RASA3: variants seen among roughly 807,000 people sequenced by gnomAD.
RASA3 encodes the protein RAS p21 protein activator 3, also known as ras GTPase-activating protein 3.
Under a neutral mutation model 110.0 loss-of-function variants are expected in RASA3, and 73 were observed. The ratio of observed to expected loss-of-function variants is 0.66; its 90% confidence interval spans 0.55 to 0.81. The LOEUF (loss-of-function observed/expected upper bound fraction) is 0.81. Ranked by LOEUF, RASA3 falls within the 30% of genes least tolerant of loss-of-function variation. The pLI is 0.00. For missense variants in RASA3, 976 were observed against 1,113.2 expected (o/e 0.88, Z 1.75); for synonymous variants, 500 against 451.4 (o/e 1.11, Z -1.37).
At chr13:114,121,320 G>A (rs991686867) in intron 1 of RASA3, among the ~76,000 whole-genome samples, 3 of 152,198 alleles carry the variant, frequency 2.0e-5, no homozygotes, top group Non-Finnish European at 4.4e-5. Flanking sequence ...AGTGTCCCCA[G>A]CCTCAGCCAT....
chr13:114,013,117 C>G (rs7322518), intron 15 of RASA3, 25 bp downstream of exon 15: 17 of 1,595,388 alleles, frequency 1.1e-5, no homozygotes, highest in Non-Finnish European at 1.5e-5. Flanking sequence ...CTCAGAAAGC[C>G]TCGGTCCCTC....
chr13:114,109,707 C>T (rs1012249321), intron 1 of RASA3, among the ~76,000 whole-genome samples: 1 of 152,236 alleles, frequency 6.6e-6, no homozygotes, highest in Non-Finnish European at 1.5e-5. Flanking sequence ...GCTGTGCACA[C>T]CTGGAGACCA....
chr13:114,104,589 G>A (rs931897933), intron 1 of RASA3, among the ~76,000 whole-genome samples: 2 of 152,164 alleles, frequency 1.3e-5, no homozygotes, highest in Admixed American at 6.5e-5. Flanking sequence ...CTAGTGGGCC[G>A]GCCACAAAGC....
rs1308975257 is a variant in RASA3, at chr13:114,114,213, C to T, written c.55+18222G>A. 6.6e-6 allele frequency among the ~76,000 whole-genome samples: 1 copy of T among 152,246 alleles called. No individual in the cohort carries two copies. The highest frequency in any genetic ancestry group is 1.5e-5 in the Non-Finnish European group (1 of 68,040). ...GTCCGTGCAGGGGAGAGAGACCTGGCCTATCCTCAGCACAGCCCATGTGAC... is the reference window on the plus strand; with the variant it reads ...GTCCGTGCAGGGGAGAGAGACCTGGTCTATCCTCAGCACAGCCCATGTGAC... On this transcript the variant is annotated intron_variant, in intron 1 of 23. Coordinates refer to ENST00000334062, the MANE Select transcript of RASA3 (RefSeq NM_007368.4). This position sits in a 1 kb window ranked among gnomAD's most constrained non-coding sequence, Gnocchi z 4.8.
In RASA3 at chr13:114,131,478, G is replaced by A. The variant is rs569911969; in HGVS notation, c.55+957C>T. ...CACTCTCCCAAGATAAAACAACCAG[G>A]GAAAAGCAGATCCCTCCAGATAAAC... is the stretch of plus-strand genomic sequence containing the variant. On this transcript the variant is annotated intron_variant, in intron 1 of 23. Coordinates refer to ENST00000334062, the MANE Select transcript of RASA3 (RefSeq NM_007368.4). 2.0e-5 allele frequency among the ~76,000 whole-genome samples: 3 copies of A among 152,270 alleles called. No individual in the cohort carries two copies. The East Asian group carries it at 5.8e-4, about 29-fold the overall frequency.
chr13:114,079,083 C>T lies in RASA3; in HGVS notation c.56-5246G>A, dbSNP rs141235859. Among the ~76,000 whole-genome samples the T allele has an allele frequency of 8.5e-3, 1,291 of 152,284 alleles. 24 individuals are homozygous for T. The highest frequency in any genetic ancestry group is 0.029 in the African/African-American group (1,211 of 41,560). ...TCAGCTCAGCGCCCAGTGAAGAGGG[C>T]GGAGGAAGGAATGAAGGCAGCCACG... On this transcript the variant is annotated intron_variant, in intron 1 of 23. Transcript: ENST00000334062.
intron 2 of RASA3, among the ~76,000 whole-genome samples, chr13:114,067,053 T>TGACCTGGGCTGAGGACAGGCCCCCC (rs2079466325): frequency 7.5e-6 from 1 of 133,720 alleles, no homozygotes; most frequent in South Asian, 2.5e-4. Context: ...ACTGGCCCCC[T>TGACCTGGGCTGAGGACAGGCCCCCC]GACCTGGGCT....
At chr13:113,993,035 CCA>C (rs1427833471) in intron 21 of RASA3, among the ~76,000 whole-genome samples, 1 of 152,134 alleles carries the variant, frequency 6.6e-6, no homozygotes, top group Admixed American at 6.5e-5. Flanking sequence ...GCTAAAATCC[CCA>C]GTGTAATATG....
intron 5 of RASA3, 152 bp from the exon 6 acceptor site, chr13:114,028,079 C>T: frequency 1.5e-6 from 1 of 645,336 alleles, no homozygotes; most frequent in East Asian, 2.7e-5. Flanking sequence ...GCCATTCTGC[C>T]TCGGTGTGAC....
intron 1 of RASA3, among the ~76,000 whole-genome samples, chr13:114,121,830 G>A (rs1594479861): frequency 6.6e-6 from 1 of 152,172 alleles, no homozygotes. Flanking sequence ...GCATACACAG[G>A]CCCCCCGCCA....
intron 3 of RASA3, among the ~76,000 whole-genome samples, chr13:114,043,329 C>T (rs2054456362): frequency 6.6e-6 from 1 of 152,328 alleles, no homozygotes; most frequent in African/African-American, 2.4e-5. Flanking sequence ...TCCAGTGCTG[C>T]TGACACCTGC....
At chr13:114,037,643 G>A (rs1041176725) in intron 4 of RASA3, among the ~76,000 whole-genome samples, 1 of 152,186 alleles carries the variant, frequency 6.6e-6, no homozygotes, top group Non-Finnish European at 1.5e-5. Context: ...CACTGAATTG[G>A]ACATTTTAAA....
At chr13:114,039,941 C>A (rs2054362391) in intron 4 of RASA3, among the ~76,000 whole-genome samples, 1 of 152,234 alleles carries the variant, frequency 6.6e-6, no homozygotes, top group South Asian at 2.1e-4. Flanking sequence ...CCAGAACGCT[C>A]TTTCAGCTCA....
rs371224272 is a variant in RASA3, at chr13:114,057,823, C to G, written c.174-5668G>C. ...GCACCTCTGGCCAGGGCGCTCAGCA[C>G]GAGGGGACCCAGAACAATGGCTTCC... On this transcript the variant is annotated intron_variant, in intron 2 of 23. Coordinates refer to ENST00000334062, the MANE Select transcript of RASA3 (RefSeq NM_007368.4). The surrounding 1 kb of genome is among the most constrained non-coding windows in gnomAD (Gnocchi z 5.0). Among the ~76,000 whole-genome samples, 1 of 152,196 alleles carries G rather than the reference C, an allele frequency of 6.6e-6. No individual in the cohort carries two copies. Among genetic ancestry groups the G allele is most frequent in the Non-Finnish European group, 1.5e-5 (1 of 68,038 alleles).
chr13:114,091,963 A>T (rs1244142244), intron 1 of RASA3, among the ~76,000 whole-genome samples: 2 of 151,994 alleles, frequency 1.3e-5, no homozygotes, highest in Non-Finnish European at 2.9e-5. Context: ...GTATTGGTGT[A>T]TAGCTGTTCA....
At chr13:114,077,687 T>C (rs1320472) in intron 1 of RASA3, 98,896 of 199,022 alleles carry the variant, frequency 0.5, 24,313 homozygotes, top group African/African-American at 0.68. Flanking sequence ...GATGCCCAGT[T>C]CCCCCGCACT....
At chr13:114,054,410 T>C (rs1369696452) in intron 2 of RASA3, among the ~76,000 whole-genome samples, 1 of 150,530 alleles carries the variant, frequency 6.6e-6, no homozygotes, top group Non-Finnish European at 1.5e-5. Flanking sequence ...AGCCCAAACC[T>C]GGGGCGGGCG....
chr13:114,104,964 C>T (rs1352300066), intron 1 of RASA3, among the ~76,000 whole-genome samples: 1 of 151,840 alleles, frequency 6.6e-6, no homozygotes, highest in Non-Finnish European at 1.5e-5. Flanking sequence ...GCGTCAGCAG[C>T]CCTCACAGGA....
At chr13:113,994,675 A>T (rs2053193211) in intron 21 of RASA3, among the ~76,000 whole-genome samples, 1 of 152,102 alleles carries the variant, frequency 6.6e-6, no homozygotes. Flanking sequence ...CTCTACAAAA[A>T]ACCAAAATTT....
Sources: gnomAD v4.1 joint callset for allele counts (sites outside exome capture counted in the v4.1 genomes callset) on GRCh38, gnomAD v4.1.1 for gene constraint, Gnocchi (gnomAD v3.1) non-coding constraint, MANE v1.5 for transcripts, NCBI Gene and HGNC (gene_info 2026-07-23, HGNC 2026-07-21) for gene names.